Variants in HTRA3 observed in about 807,000 individuals in gnomAD.
The protein encoded by HTRA3 is HtrA serine peptidase 3, also known as serine protease HTRA3.
A neutral mutation model predicts 43.2 loss-of-function variants in HTRA3; 41 were observed. That is an observed-to-expected ratio of 0.95 (90% CI 0.74 to 1.23). HTRA3 has a LOEUF of 1.23. Ranked by LOEUF, HTRA3 falls within the 50% of genes most tolerant of loss-of-function variation. HTRA3 has a pLI of 0.00. For missense variants in HTRA3, 628 were observed against 647.1 expected, an observed-to-expected ratio of 0.97 and a Z score of 0.32; for synonymous variants, 295 against 287.9, an observed-to-expected ratio of 1.02 and a Z score of -0.25.
chr4:8,290,974 A>C (rs73801720), intron 3 of HTRA3, among the ~76,000 whole-genome samples: 7,086 of 152,236 alleles, frequency 0.047, 575 homozygotes, highest in African/African-American at 0.16. Context: ...CAAATGCATC[A>C]GTTTGTGTGT....
Position 8,295,809 on chromosome 4 carries a change from G to A in HTRA3, c.1051+1608G>A. 1 of 1,250,422 alleles carries A rather than the reference G, an allele frequency of 8.0e-7. No homozygotes were observed. The highest frequency in any genetic ancestry group is 3.1e-5 in the East Asian group (1 of 31,902). The allele number at this position is 1,250,422 out of a possible 1,614,324, so 77.5% of individuals were successfully genotyped here. On this transcript the variant is annotated intron_variant, in intron 6 of 8. Coordinates refer to ENST00000307358, the MANE Select transcript of HTRA3 (RefSeq NM_053044.5). The surrounding 1 kb of genome is among the most constrained non-coding windows in gnomAD (Gnocchi z 6.9). ...TGCAGCCAAGGCTGGTGCCATGAGGGCTGGTCACATGAAGAGCTGCTGTTG... is the reference window on the plus strand; with the variant it reads ...TGCAGCCAAGGCTGGTGCCATGAGGACTGGTCACATGAAGAGCTGCTGTTG...
At chr4:8,281,263 C>T (rs1712732374) in intron 1 of HTRA3, among the ~76,000 whole-genome samples, 1 of 152,220 alleles carries the variant, frequency 6.6e-6, no homozygotes, top group Non-Finnish European at 1.5e-5. Context: ...CAGATTTTCC[C>T]TCGGTCCCCA....
Position 8,270,712 on chromosome 4 carries a change from T to C in HTRA3, c.385+359T>C, listed in dbSNP as rs373168112. On this transcript the variant is annotated intron_variant, in intron 1 of 8. Coordinates refer to ENST00000307358, the MANE Select transcript of HTRA3 (RefSeq NM_053044.5). ...CGGGTATTGAGTGAAGGGCACTCTTTCCTGCCCTAACTCTCCAGCCGGGGT... is the reference window on the plus strand; with the variant it reads ...CGGGTATTGAGTGAAGGGCACTCTTCCCTGCCCTAACTCTCCAGCCGGGGT... 2.4e-4 allele frequency among the ~76,000 whole-genome samples: 37 copies of C among 152,322 alleles called. No individual in the cohort carries two copies. The South Asian group carries it at 7.7e-3, about 32-fold the overall frequency.
chr4:8,288,516 C>T (rs1420806258), intron 3 of HTRA3, among the ~76,000 whole-genome samples: 1 of 151,116 alleles, frequency 6.6e-6, no homozygotes, highest in Non-Finnish European at 1.5e-5. Context: ...CACAGGTGAT[C>T]CACCTGCCTT....
intron 5 of HTRA3, among the ~76,000 whole-genome samples, chr4:8,292,775 T>A (rs546603422): frequency 6.6e-6 from 1 of 152,252 alleles, no homozygotes; most frequent in African/African-American, 2.4e-5. Flanking sequence ...TTTTCCAGAA[T>A]AAACCAGGAA....
intron 8 of HTRA3, 59 bp from the exon 9 acceptor site, chr4:8,305,912 C>A: frequency 6.3e-7 from 1 of 1,597,962 alleles, no homozygotes; most frequent in Non-Finnish European, 8.6e-7. Flanking sequence ...CTGGGCCGGG[C>A]CTGGGAAGGC....
At chr4:8,285,453 A>G (rs1712918173) in intron 2 of HTRA3, among the ~76,000 whole-genome samples, 1 of 152,042 alleles carries the variant, frequency 6.6e-6, no homozygotes, top group Admixed American at 6.5e-5. Flanking sequence ...CCATCCCTCC[A>G]TGCTTTGTCT....
intron 1 of HTRA3, among the ~76,000 whole-genome samples, chr4:8,280,201 G>C (rs1712688546): frequency 6.6e-6 from 1 of 152,154 alleles, no homozygotes; most frequent in African/African-American, 2.4e-5. Flanking sequence ...CCACCTGGGG[G>C]CTGTGCCCGT....
At chr4:8,278,933 G>A (rs1253749345) in intron 1 of HTRA3, among the ~76,000 whole-genome samples, 1 of 152,204 alleles carries the variant, frequency 6.6e-6, no homozygotes, top group Non-Finnish European at 1.5e-5. Flanking sequence ...CTGGCTCAGA[G>A]AGCATCAAGA....
At chr4:8,302,395 G>C in intron 6 of HTRA3, 68 bp from the exon 7 acceptor site, 1 of 1,431,966 alleles carries the variant, frequency 7.0e-7, no homozygotes, top group African/African-American at 1.4e-5. Context: ...TCCTCTGCCT[G>C]TCCCCTGAGG....
intron 6 of HTRA3, among the ~76,000 whole-genome samples, chr4:8,301,277 A>G (rs1220292496): frequency 1.4e-5 from 2 of 140,610 alleles, no homozygotes; most frequent in African/African-American, 5.8e-5. Context: ...ACTCATCTTT[A>G]TTATTGAGTC....
Position 8,306,234 on chromosome 4 carries a change from A to G in HTRA3, c.*98A>G, listed in dbSNP as rs538627129. On this transcript the variant is annotated 3_prime_UTR_variant, in exon 9 of 9. Coordinates refer to ENST00000307358, the MANE Select transcript of HTRA3 (RefSeq NM_053044.5). This position sits in a 1 kb window ranked among gnomAD's most constrained non-coding sequence, Gnocchi z 8.9. The stretch of plus-strand genomic sequence containing the variant: ...CGAAGGACCACCGTCGGTCCTCAGC[A>G]GGGCGGCAGCCTCCTCCTGGCTGTC... The G allele has an allele frequency of 3.9e-5, 51 of 1,311,364 alleles. No homozygotes were observed. In the East Asian group the frequency reaches 9.6e-4, roughly 25 times the overall value. The allele number at this position is 1,311,364 out of a possible 1,614,324, so 81.2% of individuals were successfully genotyped here. A position where few individuals can be genotyped will look rare whatever the true frequency, so the allele number is the denominator to read the frequency against.
intron 6 of HTRA3, among the ~76,000 whole-genome samples, chr4:8,301,763 T>C (rs1714157092): frequency 6.6e-6 from 1 of 152,244 alleles, no homozygotes; most frequent in South Asian, 2.1e-4. Flanking sequence ...CTAATTTCTC[T>C]TTTTACTTAT....
chr4:8,297,725 C>T lies in HTRA3; in HGVS notation c.1051+3524C>T, dbSNP rs1172501768. ...CCCAGGTGGGCTGTGCAGGTCCTGT[C>T]GAGGATCCCACCCCCTGGATTTAGA... On this transcript the variant is annotated intron_variant, in intron 6 of 8. Transcript: ENST00000307358. This position sits in a 1 kb window ranked among gnomAD's most constrained non-coding sequence, Gnocchi z 5.8. Among the ~76,000 whole-genome samples, 2 of 152,074 alleles carry T rather than the reference C, an allele frequency of 1.3e-5. No individual in the cohort carries two copies. The highest frequency in any genetic ancestry group is 2.9e-5 in the Non-Finnish European group (2 of 68,000).
chr4:8,286,639 CA>C lies in HTRA3; in HGVS notation c.566del (p.Asn189MetfsTer81). 6.2e-7 allele frequency: 1 copy of C among 1,614,218 alleles called. No individual in the cohort carries two copies. The highest frequency in any genetic ancestry group is 8.5e-7 in the Non-Finnish European group (1 of 1,180,048). On this transcript the variant is annotated frameshift_variant, in exon 3 of 9. Transcript: ENST00000307358. LOFTEE classifies it high-confidence loss of function. This position sits in a 1 kb window ranked among gnomAD's most constrained non-coding sequence, Gnocchi z 4.9. ...IMSEAGLIITNAHVVSSNSAA... is the reference protein window; with the variant it reads ...IMSEAGLIITXAHVVSSNSAA... ...TGTCAGAGGCCGGCCTGATCATCAC[CA>C]ATGCCCACGTGGTGTCCAGCAACAG...
At chr4:8,275,081 G>A (rs563073846) in intron 1 of HTRA3, among the ~76,000 whole-genome samples, 9 of 152,180 alleles carry the variant, frequency 5.9e-5, no homozygotes, top group Non-Finnish European at 1.3e-4. Context: ...AGCATCTGGC[G>A]GCACTGGAGG....
At chr4:8,288,796 T>A (rs1444074842) in intron 3 of HTRA3, among the ~76,000 whole-genome samples, 2 of 151,650 alleles carry the variant, frequency 1.3e-5, no homozygotes, top group African/African-American at 4.8e-5. Context: ...GGTCTTGAAC[T>A]CCTGACCTCA....
rs150125880 is a variant in HTRA3, at chr4:8,291,394, G to C, written c.733G>C (p.Gly245Arg). The change falls in exon 4 of 9, where the codon GGT becomes CGT. Residue 245 changes from glycine (G) to arginine (R), a missense_variant. Physicochemically the swap from Gly to Arg is moderately radical, Grantham distance 125. Coordinates refer to ENST00000307358, the MANE Select transcript of HTRA3 (RefSeq NM_053044.5). Reference protein sequence around the residue: ...PKKKLPVLLLGHSADLRPGEF... With the variant: ...PKKKLPVLLLRHSADLRPGEF... ...GAAAAAGCTCCCTGTGTTGTTGCTG[G>C]GTCACTCGGCCGACCTGCGGCCTGG... is the stretch of plus-strand genomic sequence containing the variant. 2.3e-4 allele frequency: 376 copies of C among 1,613,432 alleles called. No homozygotes were observed. The highest frequency in any genetic ancestry group is 3.0e-4 in the Non-Finnish European group (350 of 1,180,028).
intron 7 of HTRA3, among the ~76,000 whole-genome samples, chr4:8,302,974 T>C (rs558673000): frequency 6.6e-6 from 1 of 152,368 alleles, no homozygotes; most frequent in East Asian, 1.9e-4. Context: ...TCTTTCTCTC[T>C]GAGTATCTGT....
Sources: allele counts gnomAD v4.1 joint callset (sites outside exome capture counted in the v4.1 genomes callset), GRCh38; gene constraint gnomAD v4.1.1; non-coding constraint Gnocchi (gnomAD v3.1); transcripts MANE v1.5; gene names NCBI Gene and HGNC (gene_info 2026-07-23, HGNC 2026-07-21).